TLE1: variants seen among roughly 807,000 people sequenced by gnomAD.
TLE1 encodes the protein transducin-like enhancer protein 1.
Under a neutral mutation model 89.8 loss-of-function variants are expected in TLE1, and 21 were observed. The observed-to-expected ratio is 0.23, with a 90% CI of 0.17 to 0.34. TLE1 has a LOEUF of 0.34. Among genes scored for constraint, TLE1 ranks in the 10% least tolerant of loss-of-function variants. The probability of loss-of-function intolerance (pLI) is 1.00; values close to 1 mark genes in which losing one functional copy is unlikely to be tolerated. For synonymous variants in TLE1, 447 were observed against 407.6 expected (o/e 1.10, Z -1.16); for missense variants, 795 against 1,031.2 (o/e 0.77, Z 3.14).
intron 11 of TLE1, among the ~76,000 whole-genome samples, chr9:81,614,659 A>C (rs941082652): frequency 2.0e-5 from 3 of 152,156 alleles, no homozygotes; most frequent in African/African-American, 7.2e-5. Flanking sequence ...GTAAGGATTA[A>C]CTGAAGGGTT....
rs1234689557 is a variant in TLE1, at chr9:81,616,671, T to C, written c.740A>G (p.Asn247Ser). The C allele has an allele frequency of 3.1e-6, 5 of 1,614,134 alleles. No individual in the cohort carries two copies. Among genetic ancestry groups the C allele is most frequent in the Non-Finnish European group, 2.5e-6 (3 of 1,180,016 alleles). ...YDSDGDKSDD[N>S]LVVDVSNEDP... is the part of the protein sequence containing the mutation. ...CTCATTAGACACATCCACAACTAAG[T>C]TGTCATCGCTTTTGTCACCATCACT... is the stretch of plus-strand genomic sequence containing the variant. The change falls in exon 10 of 20, where the codon AAC becomes AGC. Residue 247 changes from asparagine (N) to serine (S), a missense_variant. By Grantham distance (46) the Asn-to-Ser change is conservative. Around this residue, in one of 4 missense-constraint regions of TLE1, gnomAD observed 468 missense variants for 509.1 expected, o/e 0.92. Coordinates refer to ENST00000376499, the MANE Select transcript of TLE1 (RefSeq NM_005077.5).
intron 8 of TLE1, among the ~76,000 whole-genome samples, chr9:81,630,501 CAGTA>C (rs773658467): frequency 1.1e-4 from 16 of 152,034 alleles, no homozygotes; most frequent in Non-Finnish European, 1.6e-4. Flanking sequence ...CTTTCTTACC[CAGTA>C]AGTATCAAAA....
At chr9:81,619,389 A>T (rs12686341) in intron 9 of TLE1, among the ~76,000 whole-genome samples, 8,798 of 152,278 alleles carry the variant, frequency 0.058, 1,005 homozygotes, top group East Asian at 0.53. Context: ...GAGATACTAC[A>T]GCTGGCTCCA....
intron 4 of TLE1, among the ~76,000 whole-genome samples, chr9:81,667,103 C>A (rs1376565460): frequency 6.6e-6 from 1 of 152,118 alleles, no homozygotes; most frequent in African/African-American, 2.4e-5. Flanking sequence ...GCCTGGGCAA[C>A]AGAGTGAGAT....
Position 81,605,845 on chromosome 9 carries a change from G to T in TLE1, c.1331+4375C>A, listed in dbSNP as rs1406629791. 4.8e-5 allele frequency among the ~76,000 whole-genome samples: 7 copies of T among 147,368 alleles called. No individual in the cohort carries two copies. The East Asian group carries it at 1.4e-3, about 29-fold the overall frequency. ...CATTAGAGTGAACAGGCAACCTACA[G>T]AATGGGAGAAAATTTTTGCAATCTA... On this transcript the variant is annotated intron_variant, in intron 14 of 19. Transcript: ENST00000376499.
chr9:81,684,216 G>C (rs1045074094), intron 4 of TLE1, among the ~76,000 whole-genome samples: 4 of 149,520 alleles, frequency 2.7e-5, no homozygotes, highest in African/African-American at 9.8e-5. Flanking sequence ...AATGACGATA[G>C]ATGTTAGCCA....
intron 6 of TLE1, among the ~76,000 whole-genome samples, chr9:81,642,709 A>G (rs111372614): frequency 3.3e-5 from 5 of 150,482 alleles, no homozygotes; most frequent in Non-Finnish European, 5.9e-5. Flanking sequence ...ATGAAAGAAA[A>G]GAAAGAAAGG....
intron 8 of TLE1, among the ~76,000 whole-genome samples, chr9:81,625,129 G>A (rs557791526): frequency 2.9e-4 from 44 of 152,286 alleles, no homozygotes; most frequent in Non-Finnish European, 2.5e-4. Flanking sequence ...TAGATGAGGT[G>A]CAAGAACACA....
At chr9:81,659,188 G>A (rs1051849297) in intron 4 of TLE1, among the ~76,000 whole-genome samples, 1 of 152,080 alleles carries the variant, frequency 6.6e-6, no homozygotes, top group Non-Finnish European at 1.5e-5. Context: ...GATTACAGGC[G>A]TGAGCCACCG....
At chr9:81,601,780 C>A (rs1830957330) in intron 14 of TLE1, among the ~76,000 whole-genome samples, 2 of 152,130 alleles carry the variant, frequency 1.3e-5, no homozygotes, top group African/African-American at 4.8e-5. Flanking sequence ...CTCTTATAAA[C>A]CAACACTACT....
chr9:81,662,361 T>TGTG (rs1830910106), intron 4 of TLE1, among the ~76,000 whole-genome samples: 2 of 138,470 alleles, frequency 1.4e-5, no homozygotes, highest in South Asian at 4.7e-4. Flanking sequence ...TGTGCCTGTT[T>TGTG]TGTGTGTGTG....
At chr9:81,594,705 G>A (rs1406962762) in intron 14 of TLE1, among the ~76,000 whole-genome samples, 1 of 152,086 alleles carries the variant, frequency 6.6e-6, no homozygotes, top group African/African-American at 2.4e-5. Flanking sequence ...GGCCCTTTCT[G>A]GAGCTTGTCA....
intron 14 of TLE1, among the ~76,000 whole-genome samples, chr9:81,601,232 G>A (rs60743951): frequency 0.025 from 3,881 of 152,270 alleles, 188 homozygotes; most frequent in African/African-American, 0.088. Flanking sequence ...GGGGTGAAAG[G>A]GGGAAGCCCC....
chr9:81,641,949 G>C (rs558387344), intron 6 of TLE1, among the ~76,000 whole-genome samples: 1 of 152,178 alleles, frequency 6.6e-6, no homozygotes, highest in Non-Finnish European at 1.5e-5. Context: ...TTGAACCTGG[G>C]AGGCAGAGGT....
rs887175741 is a variant in TLE1 at position 81,689,315 on chromosome 9, C to A, written c.-1075G>T. 24 of 152,390 alleles carry A rather than the reference C, an allele frequency of 1.6e-4. No individual in the cohort carries two copies. Among genetic ancestry groups the A allele is most frequent in the African/African-American group, 5.5e-4 (23 of 41,564 alleles). The allele number at this position is 152,390 out of a possible 1,614,324, so 9.4% of individuals were successfully genotyped here. On this transcript the variant is annotated 5_prime_UTR_variant, in exon 1 of 20. Coordinates refer to ENST00000376499, the MANE Select transcript of TLE1 (RefSeq NM_005077.5). ...CTCCCCGGCGGGCAAACTCTGCGGG[C>A]GAGTCCAGAGTAGTCACAGCGGTGG...
At chr9:81,590,081 G>A (rs112298282) in intron 16 of TLE1, among the ~76,000 whole-genome samples, 17 of 152,366 alleles carry the variant, frequency 1.1e-4, no homozygotes, top group African/African-American at 4.1e-4. Context: ...CAGCAAAGAT[G>A]AAACAAGAGT....
chr9:81,615,990 T>C lies in TLE1; in HGVS notation c.910A>G (p.Met304Val). 6.2e-7 allele frequency: 1 copy of C among 1,613,740 alleles called. No homozygotes were observed. Among genetic ancestry groups the C allele is most frequent in the Non-Finnish European group, 8.5e-7 (1 of 1,180,004 alleles). ...CAGTTTTCTTTACCTACCAAGCTCA[T>C]TTCTTTGGATTTCAAAGAAGTGGAA... is the stretch of plus-strand genomic sequence containing the variant. Reference protein sequence around the residue: ...ASSTSLKSKEMSLHEKASTPV... With the variant: ...ASSTSLKSKEVSLHEKASTPV... The change falls in exon 11 of 20, where the codon ATG becomes GTG. Residue 304 changes from methionine to valine, a missense_variant. Physicochemically the swap from Met to Val is conservative, Grantham distance 21. Transcript: ENST00000376499.
intron 14 of TLE1, chr9:81,600,114 C>A (rs759310426): frequency 2.7e-6 from 2 of 744,416 alleles, no homozygotes; most frequent in Non-Finnish European, 2.5e-6. Context: ...AGGAACAAGG[C>A]TCCTAAACAG....
chr9:81,593,173 A>C lies in TLE1; in HGVS notation c.1433T>G (p.Ile478Ser). The C allele has an allele frequency of 1.2e-6, 2 of 1,614,134 alleles. No homozygotes were observed. The highest frequency in any genetic ancestry group is 2.2e-5 in the South Asian group (2 of 91,068). Residue 478 changes from isoleucine to serine, a missense_variant, in exon 15 of 20, where the codon ATC (isoleucine) becomes AGC (serine). Ile to Ser is a moderately radical substitution (Grantham distance 142). Around this residue, in one of 4 missense-constraint regions of TLE1, gnomAD observed 468 missense variants for 509.1 expected, o/e 0.92. Transcript: ENST00000376499. ...GPGIPRHARQ[I>S]NTLNHGEVVC... ...CACCTCCCCGTGGTTGAGGGTGTTGATCTGGCGAGCATGCCGGGGGATTCC... is the reference window on the plus strand; with the variant it reads ...CACCTCCCCGTGGTTGAGGGTGTTGCTCTGGCGAGCATGCCGGGGGATTCC...
Sources: allele counts gnomAD v4.1 joint callset (sites outside exome capture counted in the v4.1 genomes callset), GRCh38; gene constraint gnomAD v4.1.1; regional missense constraint gnomAD v4.1.1; transcripts MANE v1.5; gene names NCBI Gene and HGNC (gene_info 2026-07-23, HGNC 2026-07-21).